PABPC1L: variants seen among roughly 807,000 people sequenced by gnomAD.
The protein encoded by PABPC1L is poly(A) binding protein cytoplasmic 1 like.
In PABPC1L, 31 loss-of-function variants were observed where a neutral mutation model predicts 66.6. That is an observed-to-expected ratio of 0.47 (90% CI 0.35 to 0.63). PABPC1L has a LOEUF of 0.63. Ranked by LOEUF, PABPC1L falls within the 20% of genes least tolerant of loss-of-function variation. The pLI, the probability that PABPC1L is intolerant of heterozygous loss-of-function variation, is 0.00. For synonymous variants in PABPC1L, 348 were observed against 335.1 expected (o/e 1.04, Z -0.42); for missense variants, 722 against 848.8 (o/e 0.85, Z 1.86).
chr20:44,916,951 C>A, intron 3 of PABPC1L, 80 bp downstream of exon 3: 2 of 1,363,008 alleles, frequency 1.5e-6, no homozygotes, highest in Non-Finnish European at 2.1e-6. Flanking sequence ...CGATGCTACC[C>A]TCAAGCTGCT....
intron 4 of PABPC1L, 42 bp from the exon 5 acceptor site, chr20:44,919,141 G>T: frequency 6.2e-7 from 1 of 1,614,054 alleles, no homozygotes; most frequent in East Asian, 2.2e-5. Context: ...GTTTCCTGAG[G>T]ACTTCCCAGA....
rs141238650 is a variant in PABPC1L, at chr20:44,917,925, T to A, written c.504-981T>A. Among the ~76,000 whole-genome samples the A allele has an allele frequency of 8.4e-3, 1,285 of 152,352 alleles. 7 individuals carry two copies. The highest frequency in any genetic ancestry group is 0.013 in the Non-Finnish European group (904 of 68,030). ...TCAAATTTTGGTGCCTGGTACAACT[T>A]TGTTTGTGCTAAACGTGCTATAGAT... On this transcript the variant is annotated intron_variant, in intron 3 of 14. Coordinates refer to ENST00000217073, the MANE Select transcript of PABPC1L (RefSeq NM_001372179.1).
At chr20:44,937,337 G>T in intron 12 of PABPC1L, 1 of 216,874 alleles carries the variant, frequency 4.6e-6, no homozygotes, top group Non-Finnish European at 9.4e-6. Context: ...CTTTACTGAA[G>T]GCCCCCATTA....
intron 14 of PABPC1L, 54 bp from the exon 15 acceptor site, chr20:44,939,072 G>A: frequency 2.8e-6 from 2 of 717,200 alleles, no homozygotes; most frequent in African/African-American, 1.7e-5. Context: ...CTTTATTGAA[G>A]ACTGGGTGTC....
intron 2 of PABPC1L, among the ~76,000 whole-genome samples, chr20:44,914,673 C>T (rs778762939): frequency 2.6e-5 from 4 of 152,102 alleles, no homozygotes; most frequent in South Asian, 2.1e-4. Context: ...GACAGAGAGA[C>T]GGGGCTGTTT....
chr20:44,910,363 G>C, intron 1 of PABPC1L, 27 bp downstream of exon 1: 1 of 1,462,012 alleles, frequency 6.8e-7, no homozygotes, highest in Non-Finnish European at 9.1e-7. Flanking sequence ...GGGCGGGAGG[G>C]GAAGGACCGA....
At chr20:44,926,827 G>A (rs748676129) in intron 7 of PABPC1L, among the ~76,000 whole-genome samples, 16 of 151,842 alleles carry the variant, frequency 1.1e-4, no homozygotes, top group African/African-American at 3.4e-4. Flanking sequence ...GATTATAGGC[G>A]TGAACCACTG....
intron 8 of PABPC1L, among the ~76,000 whole-genome samples, chr20:44,931,003 T>TCCTTCCTTCCTTCCTTC (rs1568649841): frequency 9.9e-6 from 1 of 101,182 alleles, no homozygotes; most frequent in African/African-American, 4.2e-5. Context: ...CATTTTTCCT[T>TCCTTCCTTCCTTCCTTC]CCTCCCTTCC....
chr20:44,923,054 T>C (rs766116254), intron 6 of PABPC1L, among the ~76,000 whole-genome samples: 1 of 152,254 alleles, frequency 6.6e-6, no homozygotes, highest in Non-Finnish European at 1.5e-5. Flanking sequence ...AAGAGCAGGA[T>C]GCTATGCTGT....
Position 44,914,235 on chromosome 20 carries a change from C to T in PABPC1L, c.387+1382C>T, listed in dbSNP as rs1456677452. Among the ~76,000 whole-genome samples the T allele has an allele frequency of 5.6e-5, 7 of 125,436 alleles. No homozygotes were observed. The East Asian group carries it at 1.7e-3, about 30-fold the overall frequency. 82.3% of individuals were successfully genotyped at this position (125,436 alleles called of 152,430 possible). A position where few individuals can be genotyped will look rare whatever the true frequency, so the allele number is the denominator to read the frequency against. Reference sequence around the variant, plus strand: ...TTTTTTTTTTTTTTTGAGACGGAGTCTCACTCTGTTGCCCAGGCTGGAGTG... The same window carrying T: ...TTTTTTTTTTTTTTTGAGACGGAGTTTCACTCTGTTGCCCAGGCTGGAGTG... On this transcript the variant is annotated intron_variant, in intron 2 of 14. Coordinates refer to ENST00000217073, the MANE Select transcript of PABPC1L (RefSeq NM_001372179.1).
chr20:44,918,143 T>C (rs2066749556), intron 3 of PABPC1L, among the ~76,000 whole-genome samples: 1 of 152,056 alleles, frequency 6.6e-6, no homozygotes, highest in African/African-American at 2.4e-5. Flanking sequence ...CTGGCCAACA[T>C]GGTGAAACTC....
At chr20:44,916,907 C>G (rs1186631241) in intron 3 of PABPC1L, 36 bp downstream of exon 3, 3 of 1,587,458 alleles carry the variant, frequency 1.9e-6, no homozygotes, top group Non-Finnish European at 2.6e-6. Flanking sequence ...GCGGAGGCTG[C>G]AGGGACAGAA....
At chr20:44,933,243 A>T in intron 10 of PABPC1L, 58 bp downstream of exon 10, 2 of 1,399,174 alleles carry the variant, frequency 1.4e-6, no homozygotes, top group Non-Finnish European at 2.0e-6. Flanking sequence ...ACTAGGAGTC[A>T]GGACCAGCCT....
intron 8 of PABPC1L, among the ~76,000 whole-genome samples, chr20:44,931,222 G>C (rs960409761): frequency 1.1e-4 from 17 of 150,862 alleles, no homozygotes; most frequent in African/African-American, 4.1e-4. Flanking sequence ...TGTCACCCAG[G>C]CTGGAGAGCA....
Position 44,930,761 on chromosome 20 carries a change from C to A in PABPC1L, c.1239+35C>A, listed in dbSNP as rs755880869. Reference sequence around the variant, plus strand: ...TGCCCGCAACTCCCACCGCAGCCTTCCCCCCTGCCCCAGCAAGGCAGAGCA... The same window carrying A: ...TGCCCGCAACTCCCACCGCAGCCTTACCCCCTGCCCCAGCAAGGCAGAGCA... On this transcript the variant is annotated intron_variant, in intron 8 of 14. Transcript: ENST00000217073. 7.5e-6 allele frequency: 12 copies of A among 1,595,336 alleles called. No individual in the cohort carries two copies. In the Admixed American group the frequency reaches 1.4e-4, roughly 18 times the overall value.
In PABPC1L at chr20:44,910,330, G is replaced by C. The variant is rs1320478193; in HGVS notation, c.187G>C (p.Ala63Pro). The change falls in exon 1 of 15, where the codon GCG becomes CCG. Residue 63 changes from alanine to proline, a missense_variant. Physicochemically the swap from Ala to Pro is conservative, Grantham distance 27 (BLOSUM62 -1). Coordinates refer to ENST00000217073, the MANE Select transcript of PABPC1L (RefSeq NM_001372179.1). ...GYAYINFQQPADAERALDTMN... is the reference protein window; with the variant it reads ...GYAYINFQQPPDAERALDTMN... Reference sequence around the variant, plus strand: ...CGCCTACATCAACTTCCAGCAGCCCGCGGACGGTGAGCCCCGGGGATGGGG... The same window carrying C: ...CGCCTACATCAACTTCCAGCAGCCCCCGGACGGTGAGCCCCGGGGATGGGG... 6.6e-7 allele frequency: 1 copy of C among 1,510,082 alleles called. No homozygotes were observed. Among genetic ancestry groups the C allele is most frequent in the African/African-American group, 1.4e-5 (1 of 70,496 alleles). The allele number at this position is 1,510,082 out of a possible 1,614,324, so 93.5% of individuals were successfully genotyped here. A position where few individuals can be genotyped will look rare whatever the true frequency, so the allele number is the denominator to read the frequency against.
At chr20:44,922,055 C>G (rs1336776558) in intron 6 of PABPC1L, among the ~76,000 whole-genome samples, 1 of 152,090 alleles carries the variant, frequency 6.6e-6, no homozygotes, top group Non-Finnish European at 1.5e-5. Flanking sequence ...ACCAAAGTAC[C>G]CCGCATATTG....
intron 3 of PABPC1L, among the ~76,000 whole-genome samples, chr20:44,917,961 TTTA>T (rs1273840358): frequency 6.6e-6 from 1 of 152,216 alleles, no homozygotes; most frequent in Non-Finnish European, 1.5e-5. Context: ...ACCATCAGAA[TTTA>T]TTATTATTTT....
chr20:44,936,807 C>T, intron 12 of PABPC1L, 77 bp downstream of exon 12: 1 of 1,415,444 alleles, frequency 7.1e-7, no homozygotes, highest in Non-Finnish European at 9.8e-7. Flanking sequence ...AAACACCTCA[C>T]CTGGTGGTCC....
Sources: allele counts gnomAD v4.1 joint callset (sites outside exome capture counted in the v4.1 genomes callset), GRCh38; gene constraint gnomAD v4.1.1; transcripts MANE v1.5; gene names NCBI Gene and HGNC (gene_info 2026-07-23, HGNC 2026-07-21).